The following RNF38 variants were observed in gnomAD, a reference collection of about 807,000 sequenced individuals.
RNF38 encodes the protein ring finger protein 38, also known as E3 ubiquitin-protein ligase RNF38.
Under a neutral mutation model 67.2 loss-of-function variants are expected in RNF38, and 15 were observed. The observed-to-expected ratio is 0.22, with a 90% CI of 0.15 to 0.34. RNF38 has a LOEUF of 0.34. Ranked by LOEUF, RNF38 falls within the 10% of genes least tolerant of loss-of-function variation. RNF38 has a pLI of 1.00. For missense variants in RNF38, 524 were observed against 639.9 expected (o/e 0.82, Z 1.95); for synonymous variants, 220 against 218.8 (o/e 1.01, Z -0.05).
At chr9:36,393,443 TTAC>T (rs1448566014) in intron 1 of RNF38, among the ~76,000 whole-genome samples, 3 of 148,108 alleles carry the variant, frequency 2.0e-5, no homozygotes, top group African/African-American at 7.5e-5. Context: ...GGTACAATTT[TTAC>T]TACTAGGTAA....
At chr9:36,378,207 T>C (rs1028764920) in intron 2 of RNF38, among the ~76,000 whole-genome samples, 1 of 148,690 alleles carries the variant, frequency 6.7e-6, no homozygotes, top group African/African-American at 2.5e-5. Flanking sequence ...GACGGAGTCT[T>C]GCTCTGTTGC....
chr9:36,354,542 T>C (rs2133532131), intron 6 of RNF38, among the ~76,000 whole-genome samples: 1 of 152,350 alleles, frequency 6.6e-6, no homozygotes, highest in Middle Eastern at 3.4e-3. Context: ...AAGCTATGTC[T>C]ACCTTCTCTG....
chr9:36,400,791 T>TCGCCTAACGCCTCGGAGGCTCC (rs1837959814), upstream of RNF38: 7 of 984,070 alleles, frequency 7.1e-6, no homozygotes, highest in Non-Finnish European at 8.4e-6. Flanking sequence ...GATGACAGAG[T>TCGCCTAACGCCTCGGAGGCTCC]CGCCTAACGC....
chr9:36,435,712 C>T (rs1839049226), intron 1 of RNF38, among the ~76,000 whole-genome samples: 1 of 151,348 alleles, frequency 6.6e-6, no homozygotes, highest in Non-Finnish European at 1.5e-5. Context: ...TCCCTGCAAG[C>T]TCCGCCTCCC....
intron 1 of RNF38, among the ~76,000 whole-genome samples, chr9:36,439,895 C>T (rs976599806): frequency 6.6e-6 from 1 of 151,532 alleles, no homozygotes; most frequent in African/African-American, 2.4e-5. Context: ...TAACTGAGAA[C>T]ATTTTATTGG....
chr9:36,347,872 C>G (rs538353747), intron 9 of RNF38, among the ~76,000 whole-genome samples: 32 of 151,668 alleles, frequency 2.1e-4, no homozygotes, highest in African/African-American at 7.5e-4. Flanking sequence ...ATCAGGAGAT[C>G]GAGACCATCC....
chr9:36,432,410 G>A (rs1018789399), intron 1 of RNF38, among the ~76,000 whole-genome samples: 3 of 152,096 alleles, frequency 2.0e-5, no homozygotes, highest in African/African-American at 7.2e-5. Context: ...TGGGATTACA[G>A]GCGTTAAGCC....
At chr9:36,463,514 A>G (rs1385795683) in intron 1 of RNF38, among the ~76,000 whole-genome samples, 1 of 152,166 alleles carries the variant, frequency 6.6e-6, no homozygotes, top group Non-Finnish European at 1.5e-5. Context: ...CTCCTTGTAA[A>G]TTCAAGAGCA....
At chr9:36,390,224 A>G (rs1358974974) in intron 2 of RNF38, among the ~76,000 whole-genome samples, 2 of 152,202 alleles carry the variant, frequency 1.3e-5, no homozygotes, top group Non-Finnish European at 2.9e-5. Flanking sequence ...TTAAGACCAA[A>G]AGATCAAAAC....
At chr9:36,480,203 T>C (rs938328467) in intron 1 of RNF38, among the ~76,000 whole-genome samples, 1 of 152,050 alleles carries the variant, frequency 6.6e-6, no homozygotes, top group Non-Finnish European at 1.5e-5. Flanking sequence ...GGTCTCAAAC[T>C]CTTGAGCTCA....
In RNF38 at chr9:36,357,582, T is replaced by C. The variant is rs73648742; in HGVS notation, c.738+193A>G. On this transcript the variant is annotated intron_variant, in intron 5 of 11. Coordinates refer to ENST00000259605, the MANE Select transcript of RNF38 (RefSeq NM_022781.5). ...TTAAATGGTTACTATAAGGATATTA[T>C]TGAGATTTTTATTGCAATAAAATTG... 3.9e-3 allele frequency among the ~76,000 whole-genome samples: 587 copies of C among 152,330 alleles called. 3 individuals are homozygous for C. Among genetic ancestry groups the C allele is most frequent in the African/African-American group, 0.013 (561 of 41,578 alleles).
chr9:36,429,029 C>A (rs1447116251), intron 1 of RNF38, among the ~76,000 whole-genome samples: 1 of 152,192 alleles, frequency 6.6e-6, no homozygotes, highest in African/African-American at 2.4e-5. Flanking sequence ...ACCCTAGACA[C>A]TGGGAACATA....
At chr9:36,362,141 G>A (rs911459709) in intron 4 of RNF38, among the ~76,000 whole-genome samples, 1 of 152,150 alleles carries the variant, frequency 6.6e-6, no homozygotes, top group African/African-American at 2.4e-5. Context: ...TGGATCGCCT[G>A]AGGTCAGGAG....
At chr9:36,433,820 A>G (rs1034312289) in intron 1 of RNF38, among the ~76,000 whole-genome samples, 1 of 152,184 alleles carries the variant, frequency 6.6e-6, no homozygotes, top group African/African-American at 2.4e-5. Context: ...AAGAAGTTTG[A>G]TAACACACTA....
At chr9:36,368,025 GTATT>G (rs1221553775) in intron 4 of RNF38, among the ~76,000 whole-genome samples, 1 of 152,130 alleles carries the variant, frequency 6.6e-6, no homozygotes, top group East Asian at 1.9e-4. Context: ...CCAATTTTTT[GTATT>G]TTTAGTAGAG....
chr9:36,487,627 C>G, upstream of RNF38: 2 of 964,344 alleles, frequency 2.1e-6, no homozygotes, highest in Non-Finnish European at 2.5e-6. Context: ...GGCTGGGCCC[C>G]GGCCGGCAGC....
intron 1 of RNF38, among the ~76,000 whole-genome samples, chr9:36,475,672 T>G (rs1477781469): frequency 6.6e-6 from 1 of 151,342 alleles, no homozygotes; most frequent in East Asian, 2.0e-4. Flanking sequence ...ATCATTATTT[T>G]TTAGTGGCCA....
In RNF38 at chr9:36,446,810, G is replaced by GAAAAA. The variant is rs60691553; in HGVS notation, n.242-22132_242-22128dup. ...GCGACAGAGTGAGACTCCGCCTCAA[G>GAAAAA]AAAAAAAAAAAAAAAAAAAAAAAAA... On this transcript the variant is annotated intron_variant and non_coding_transcript_variant, in intron 1 of 3. Coordinates refer to the RNF38 transcript ENST00000488058. 1.8e-3 allele frequency among the ~76,000 whole-genome samples: 51 copies of GAAAAA among 28,212 alleles called. 10 individuals are homozygous for GAAAAA. The highest frequency in any genetic ancestry group is 2.4e-3 in the East Asian group (2 of 828). 18.5% of individuals were successfully genotyped at this position (28,212 alleles called of 152,430 possible). A position where few individuals can be genotyped will look rare whatever the true frequency, so the allele number is the denominator to read the frequency against.
At chr9:36,360,460 T>C (rs921099972) in intron 4 of RNF38, among the ~76,000 whole-genome samples, 5 of 152,196 alleles carry the variant, frequency 3.3e-5, no homozygotes, top group Non-Finnish European at 5.9e-5. Context: ...TTGGATTTTT[T>C]GGAATTTTAG....
Sources: allele counts gnomAD v4.1 joint callset (sites outside exome capture counted in the v4.1 genomes callset), GRCh38; gene constraint gnomAD v4.1.1; transcripts MANE v1.5; gene names NCBI Gene and HGNC (gene_info 2026-07-23, HGNC 2026-07-21).